HINT2: variants seen among roughly 807,000 people sequenced by gnomAD.
HINT2 encodes histidine triad nucleotide binding protein 2.
A neutral mutation model predicts 20.0 loss-of-function variants in HINT2; 17 were observed. The observed-to-expected ratio is 0.85, with a 90% CI of 0.58 to 1.27. The LOEUF (loss-of-function observed/expected upper bound fraction) is 1.27. Ranked by LOEUF, HINT2 falls within the 50% of genes most tolerant of loss-of-function variation. The pLI is 0.00. For synonymous variants in HINT2, 96 were observed against 84.2 expected, an observed-to-expected ratio of 1.14 and a Z score of -0.77; for missense variants, 217 against 211.9, an observed-to-expected ratio of 1.02 and a Z score of -0.15.
chr9:35,814,755 C>G, intron 1 of HINT2, 144 bp downstream of exon 1: 2 of 689,932 alleles, frequency 2.9e-6, no homozygotes, highest in Non-Finnish European at 4.4e-6. Flanking sequence ...TCGACCTCAC[C>G]ACACAGCCCC....
Position 35,813,356 on chromosome 9 carries a change from G to A in HINT2, c.328-18C>T. 1 of 1,611,806 alleles carries A rather than the reference G, an allele frequency of 6.2e-7. No homozygotes were observed. The highest frequency in any genetic ancestry group is 8.5e-7 in the Non-Finnish European group (1 of 1,177,864). ...CCTAGAAGCTATAGAGAGAGCGGAG[G>A]GACATAGGTGGCTTCATTCATAGGG... On this transcript the variant is annotated intron_variant, in intron 3 of 4. Coordinates refer to ENST00000259667, the MANE Select transcript of HINT2 (RefSeq NM_032593.3).
In HINT2 at chr9:35,813,117, T is replaced by A. The variant is rs1263685731; in HGVS notation, c.429A>T (p.Gln143His). The A allele has an allele frequency of 6.2e-7, 1 of 1,614,160 alleles. No individual in the cohort carries two copies. ...LVINDGKLGA[Q>H]SVYHLHIHVL... ...CATGAATGTGCAGATGATACACAGA[T>A]TGTGCACCCAGCTTCCCATCGTTGA... Residue 143 changes from glutamine to histidine, a missense_variant, in exon 5 of 5, where the codon CAA (glutamine) becomes CAT (histidine). Gln to His is a conservative substitution (Grantham distance 24, BLOSUM62 0). Coordinates refer to ENST00000259667, the MANE Select transcript of HINT2 (RefSeq NM_032593.3).
chr9:35,813,565 G>A lies in HINT2; in HGVS notation c.223-16C>T, dbSNP rs762584442. 5.6e-6 allele frequency: 9 copies of A among 1,614,002 alleles called. No individual in the cohort carries two copies. The South Asian group carries it at 7.7e-5, about 14-fold the overall frequency. ...ACACAAGACACTGGGGGAAGTGACA[G>A]GCCAGAGGCCACGTTACTTCAACAG... On this transcript the variant is annotated splice_polypyrimidine_tract_variant and intron_variant, in intron 2 of 4. Coordinates refer to ENST00000259667, the MANE Select transcript of HINT2 (RefSeq NM_032593.3).
chr9:35,814,498 C>T (rs1014316846), intron 1 of HINT2: 3 of 175,868 alleles, frequency 1.7e-5, no homozygotes, highest in African/African-American at 7.1e-5. Context: ...CTCTGACCTC[C>T]GAGCCGCTTC....
At chr9:35,814,048 T>C (rs751617250) in intron 1 of HINT2, 6 of 416,000 alleles carry the variant, frequency 1.4e-5, no homozygotes, top group South Asian at 3.7e-5. Flanking sequence ...GGAAAGGATC[T>C]AGAATGAGAG....
chr9:35,815,289 C>T (rs139759319), upstream of HINT2: 69 of 321,816 alleles, frequency 2.1e-4, no homozygotes, highest in African/African-American at 1.3e-3. Context: ...GTGAGAGAAA[C>T]TTCCACTCCA....
At chr9:35,814,834 C>A in intron 1 of HINT2, 65 bp downstream of exon 1, 3 of 1,357,464 alleles carry the variant, frequency 2.2e-6, no homozygotes, top group Admixed American at 2.9e-5. Context: ...GCCTTCGGGA[C>A]CCCCTGGCCC....
chr9:35,815,273 T>G, upstream of HINT2: 19 of 325,614 alleles, frequency 5.8e-5, no homozygotes, highest in East Asian at 1.6e-4. Flanking sequence ...CCTTACTAGT[T>G]TCTCTGTGAG....
In HINT2 at chr9:35,813,660, A is replaced by T. The variant is rs1386810650; in HGVS notation, c.206T>A (p.Leu69His). 1 of 1,614,068 alleles carries T rather than the reference A, an allele frequency of 6.2e-7. No individual in the cohort carries two copies. Among genetic ancestry groups the T allele is most frequent in the Non-Finnish European group, 8.5e-7 (1 of 1,180,042 alleles). ...ILDKSLPADI[L>H]YEDQQCLVFR... ...GCACCCCACCTGCTGGTCCTCATAG[A>T]GAATGTCAGCTGGGAGGCTCTTGTC... The change falls in exon 2 of 5, where the codon CTC becomes CAC. Residue 69 changes from leucine (L) to histidine (H), a missense_variant. Leu to His is a moderately conservative substitution (Grantham distance 99). Transcript: ENST00000259667.
At position 35,814,645 on chromosome 9, in the gene HINT2, AAAG is replaced by A. The variant is rs1193824843; in HGVS notation, c.81+251_81+253del. 2.4e-5 allele frequency: 11 copies of A among 455,294 alleles called. No individual in the cohort carries two copies. In the East Asian group the frequency reaches 4.0e-4, roughly 17 times the overall value. The allele number at this position is 455,294 out of a possible 1,614,324, so 28.2% of individuals were successfully genotyped here. A position where few individuals can be genotyped will look rare whatever the true frequency, so the allele number is the denominator to read the frequency against. On this transcript the variant is annotated intron_variant, in intron 1 of 4. Transcript: ENST00000259667. Reference sequence around the variant, plus strand: ...GGGCCAGCTGGGCTGCAGGCAGTGGAAAGAAGGCGGCAGCCGCTGCACTGACCC... The same window carrying A: ...GGGCCAGCTGGGCTGCAGGCAGTGGAAAGGCGGCAGCCGCTGCACTGACCC...
chr9:35,813,172 T>A (rs940910806), intron 4 of HINT2, 27 bp from the exon 5 acceptor site: 1 of 1,613,202 alleles, frequency 6.2e-7, no homozygotes, highest in Non-Finnish European at 8.5e-7. Context: ...GGTTAGGGAG[T>A]CAGGATCATG....
upstream of HINT2, chr9:35,815,074 G>A (rs1196023359): frequency 1.0e-5 from 12 of 1,151,320 alleles, no homozygotes; most frequent in Non-Finnish European, 1.4e-5. Flanking sequence ...GCGGGGTAGT[G>A]GCGGCCGGGC....
intron 4 of HINT2, 47 bp downstream of exon 4, chr9:35,813,219 G>C: frequency 6.2e-7 from 1 of 1,611,882 alleles, no homozygotes; most frequent in Non-Finnish European, 8.5e-7. Context: ...TTGAGAAGTA[G>C]GAATGAGAAT....
At position 35,813,096 on chromosome 9, in the gene HINT2, A is replaced by T. The variant is rs747477778; in HGVS notation, c.450T>A (p.Ile150=). 5.0e-6 allele frequency: 8 copies of T among 1,614,066 alleles called. No individual in the cohort carries two copies. Among genetic ancestry groups the T allele is most frequent in the Non-Finnish European group, 6.8e-6 (8 of 1,180,042 alleles). Residue 150 remains isoleucine (I), a synonymous_variant, in exon 5 of 5, where the codon ATT becomes ATA. Coordinates refer to ENST00000259667, the MANE Select transcript of HINT2 (RefSeq NM_032593.3). The part of the protein sequence containing the change: ...LGAQSVYHLH[I]HVLGGRQLQW... ...GGAGCTGCCGGCCCCCAAGTACATGAATGTGCAGATGATACACAGATTGTG... is the reference window on the plus strand; with the variant it reads ...GGAGCTGCCGGCCCCCAAGTACATGTATGTGCAGATGATACACAGATTGTG...
rs1828966972 is a variant in HINT2 at position 35,814,630 on chromosome 9, G to A, written c.81+269C>T. The stretch of plus-strand genomic sequence containing the variant: ...CCTGCAGGGGGCATCGGGCCAGCTG[G>A]GCTGCAGGCAGTGGAAAGAAGGCGG... On this transcript the variant is annotated intron_variant, in intron 1 of 4. Transcript: ENST00000259667. The A allele has an allele frequency of 2.0e-5, 9 of 444,192 alleles. No individual in the cohort carries two copies. The South Asian group carries it at 3.5e-4, about 17-fold the overall frequency. 27.5% of individuals were successfully genotyped at this position (444,192 alleles called of 1,614,324 possible).
At position 35,813,081 on chromosome 9, in the gene HINT2, G is replaced by T. The variant is rs750795366; in HGVS notation, c.465C>A (p.Gly155=). ...VYHLHIHVLG[G]RQLQWPPG is the part of the protein sequence containing the mutation. ...AACCTGGAGGCCACTGGAGCTGCCGGCCCCCAAGTACATGAATGTGCAGAT... is the reference window on the plus strand; with the variant it reads ...AACCTGGAGGCCACTGGAGCTGCCGTCCCCCAAGTACATGAATGTGCAGAT... Residue 155 remains glycine, a synonymous_variant, in exon 5 of 5, where the codon GGC becomes GGA. Transcript: ENST00000259667. 1 of 1,614,158 alleles carries T rather than the reference G, an allele frequency of 6.2e-7. No individual in the cohort carries two copies. Among genetic ancestry groups the T allele is most frequent in the South Asian group, 1.1e-5 (1 of 91,088 alleles).
rs771719519 is a variant in HINT2 at position 35,813,109 on chromosome 9, TAC to T, written c.435_436del (p.Tyr146SerfsTer24). ...CCCAAGTACATGAATGTGCAGATGA[TAC>T]ACAGATTGTGCACCCAGCTTCCCAT... On this transcript the variant is annotated frameshift_variant, in exon 5 of 5. Transcript: ENST00000259667. LOFTEE classifies it high-confidence loss of function. The T allele has an allele frequency of 2.5e-6, 4 of 1,614,126 alleles. No individual in the cohort carries two copies. The highest frequency in any genetic ancestry group is 3.4e-6 in the Non-Finnish European group (4 of 1,180,050).
chr9:35,813,812 G>A (rs1828934754), intron 1 of HINT2, 28 bp from the exon 2 acceptor site: 4 of 1,593,566 alleles, frequency 2.5e-6, no homozygotes, highest in African/African-American at 1.3e-5. Context: ...ATATTCAAAG[G>A]AGGGAGCTGG....
At chr9:35,813,860 C>A in intron 1 of HINT2, 76 bp from the exon 2 acceptor site, 1 of 1,483,016 alleles carries the variant, frequency 6.7e-7, no homozygotes, top group South Asian at 1.3e-5. Flanking sequence ...TTTCGTCCTT[C>A]TAATAACCTA....
Sources: gnomAD v4.1 joint callset for allele counts on GRCh38, gnomAD v4.1.1 for gene constraint, MANE v1.5 for transcripts, NCBI Gene and HGNC (gene_info 2026-07-23, HGNC 2026-07-21) for gene names.